RAD51AP1: variants seen among roughly 807,000 people sequenced by gnomAD.
RAD51AP1 encodes RAD51-associated protein 1.
A neutral mutation model predicts 34.3 loss-of-function variants in RAD51AP1; 14 were observed. The observed-to-expected ratio is 0.41, with a 90% confidence interval of 0.27 to 0.64. The LOEUF (loss-of-function observed/expected upper bound fraction) is 0.64, where lower values mean the gene tolerates loss of function less well. RAD51AP1 is among the 30% of genes least tolerant of loss of function. RAD51AP1 has a pLI of 0.33. For missense variants in RAD51AP1, 348 were observed against 386.9 expected (o/e 0.90, Z 0.84); for synonymous variants, 114 against 129.8 (o/e 0.88, Z 0.83).
In RAD51AP1 at chr12:4,548,845, T is replaced by G; in HGVS notation, c.556+9T>G. The stretch of plus-strand genomic sequence containing the variant: ...ACCAGACTTTGCACCTGGTAGGTTT[T>G]ATTCTACTTCGAAATTAATTCTATG... On this transcript the variant is annotated intron_variant, in intron 6 of 8. Coordinates refer to ENST00000352618, the MANE Select transcript of RAD51AP1 (RefSeq NM_006479.5). 1 of 1,605,984 alleles carries G rather than the reference T, an allele frequency of 6.2e-7. No individual in the cohort carries two copies. Among genetic ancestry groups the G allele is most frequent in the Middle Eastern group, 1.7e-4 (1 of 5,948 alleles).
At chr12:4,545,912 T>C in intron 3 of RAD51AP1, 1 of 1,508,020 alleles carries the variant, frequency 6.6e-7, no homozygotes, top group Non-Finnish European at 9.1e-7. Flanking sequence ...TTTAATTTAA[T>C]GTAAGAGCTA....
At position 4,559,007 on chromosome 12, in the gene RAD51AP1, G is replaced by A; in HGVS notation, c.*14G>A. On this transcript the variant is annotated 3_prime_UTR_variant, in exon 9 of 9. Transcript: ENST00000352618. Reference sequence around the variant, plus strand: ...ACTAGCACCTGAGTGTGGTACAGGAGGAATGTTTGGTTGGGAGAATCACAG... The same window carrying A: ...ACTAGCACCTGAGTGTGGTACAGGAAGAATGTTTGGTTGGGAGAATCACAG... 6.2e-7 allele frequency: 1 copy of A among 1,612,506 alleles called. No homozygotes were observed. Among genetic ancestry groups the A allele is most frequent in the Non-Finnish European group, 8.5e-7 (1 of 1,179,240 alleles).
At chr12:4,541,614 A>C (rs1012764406) in intron 1 of RAD51AP1, among the ~76,000 whole-genome samples, 2 of 152,184 alleles carry the variant, frequency 1.3e-5, no homozygotes, top group African/African-American at 4.8e-5. Context: ...CAGGTATATC[A>C]GGTATAGTTG....
In RAD51AP1 at chr12:4,549,281, T is replaced by C. The variant is rs1057427605; in HGVS notation, c.556+445T>C. On this transcript the variant is annotated intron_variant, in intron 6 of 8. Transcript: ENST00000352618. ...GAATTATTCTGAGGCAGAAGTGATA[T>C]GAAATCTATATTTTATTATGATGGT... Among the ~76,000 whole-genome samples the C allele has an allele frequency of 7.9e-5, 12 of 152,334 alleles. No individual in the cohort carries two copies. In the East Asian group the frequency reaches 2.1e-3, roughly 27 times the overall value.
chr12:4,549,194 A>G (rs1462936679), intron 6 of RAD51AP1, among the ~76,000 whole-genome samples: 1 of 152,178 alleles, frequency 6.6e-6, no homozygotes, highest in African/African-American at 2.4e-5. Flanking sequence ...CTAATCAGGG[A>G]GGGTCTCAGA....
chr12:4,547,490 CTT>C (rs1182780782), intron 4 of RAD51AP1, among the ~76,000 whole-genome samples: 5 of 152,178 alleles, frequency 3.3e-5, no homozygotes, highest in Non-Finnish European at 7.4e-5. Context: ...TCATCTCTCT[CTT>C]TTAAGACATT....
chr12:4,545,844 G>T (rs772833474), intron 3 of RAD51AP1: 3 of 1,605,434 alleles, frequency 1.9e-6, no homozygotes, highest in Non-Finnish European at 2.6e-6. Context: ...TAAGTGCTTG[G>T]TAAAATATTT....
At chr12:4,546,730 C>T (rs1944509173) in intron 4 of RAD51AP1, among the ~76,000 whole-genome samples, 1 of 152,136 alleles carries the variant, frequency 6.6e-6, no homozygotes, top group African/African-American at 2.4e-5. Flanking sequence ...TCTGTACAGT[C>T]CTAACAATCC....
In RAD51AP1 at chr12:4,558,918, C is replaced by T; in HGVS notation, c.933C>T (p.Pro311=). The change falls in exon 9 of 9, where the codon CCC becomes CCT. Residue 311 remains proline (P), a synonymous_variant. Transcript: ENST00000352618. ...SPLVVVSVKS[P]NQSLRLGLSR... ...TGGTGGTAGTGTCTGTGAAGTCTCC[C>T]AATCAGAGTCTCCGCCTTGGCTTGT... The T allele has an allele frequency of 1.9e-6, 3 of 1,614,080 alleles. No individual in the cohort carries two copies. In the South Asian group the frequency reaches 3.3e-5, roughly 18 times the overall value.
At chr12:4,552,521 TTACCA>T (rs2093010974) in intron 6 of RAD51AP1, among the ~76,000 whole-genome samples, 1 of 152,226 alleles carries the variant, frequency 6.6e-6, no homozygotes, top group Non-Finnish European at 1.5e-5. Context: ...AGGCTCACTA[TTACCA>T]TAAATGTCAC....
At chr12:4,551,574 C>G (rs1483395611) in intron 6 of RAD51AP1, among the ~76,000 whole-genome samples, 2 of 151,396 alleles carry the variant, frequency 1.3e-5, no homozygotes, top group African/African-American at 4.9e-5. Context: ...TTAGGACATT[C>G]TACAGGACAA....
intron 2 of RAD51AP1, among the ~76,000 whole-genome samples, chr12:4,542,528 T>C (rs968710729): frequency 1.3e-5 from 2 of 152,152 alleles, no homozygotes; most frequent in African/African-American, 2.4e-5. Flanking sequence ...CAGCCTTAAC[T>C]GTATCTACCA....
intron 6 of RAD51AP1, among the ~76,000 whole-genome samples, chr12:4,551,025 C>T (rs1944542424): frequency 6.6e-6 from 1 of 152,100 alleles, no homozygotes; most frequent in Admixed American, 6.5e-5. Flanking sequence ...GCTGGCATCA[C>T]CTGAACCACC....
chr12:4,541,971 A>G, intron 2 of RAD51AP1, 38 bp downstream of exon 2: 1 of 1,370,946 alleles, frequency 7.3e-7, no homozygotes, highest in African/African-American at 1.5e-5. Context: ...AAAGATTTGG[A>G]AACTCATTTC....
At chr12:4,546,521 C>T (rs1944507604) in intron 4 of RAD51AP1, 103 bp downstream of exon 4, 1 of 736,582 alleles carries the variant, frequency 1.4e-6, no homozygotes, top group Non-Finnish European at 2.3e-6. Flanking sequence ...AATGTGAATA[C>T]TTTGCACTAT....
chr12:4,545,688 A>G, intron 3 of RAD51AP1: 2 of 1,331,248 alleles, frequency 1.5e-6, no homozygotes, highest in East Asian at 4.6e-5. Flanking sequence ...ACTCCATAGC[A>G]CTTTTGAGCA....
At chr12:4,557,694 A>G (rs1045443194) in intron 8 of RAD51AP1, among the ~76,000 whole-genome samples, 3 of 152,198 alleles carry the variant, frequency 2.0e-5, no homozygotes, top group Non-Finnish European at 2.9e-5. Flanking sequence ...ATGGATAAAG[A>G]GTTAATGTCA....
At chr12:4,558,624 A>G (rs1052583185) in intron 8 of RAD51AP1, among the ~76,000 whole-genome samples, 2 of 152,020 alleles carry the variant, frequency 1.3e-5, no homozygotes, top group East Asian at 1.9e-4. Context: ...TTCAGCTTTC[A>G]TGGTGAGGTT....
rs781010303 is a variant in RAD51AP1 at position 4,546,346 on chromosome 12, G to A, written c.247G>A (p.Glu83Lys). ...TGACAAGCTCTACCAGAGAGACTTA[G>A]AAGTTGCACTAGCTTTATCAGTGAA... Reference protein sequence around the residue: ...LDDKLYQRDLEVALALSVKEL... With the variant: ...LDDKLYQRDLKVALALSVKEL... Residue 83 changes from glutamate to lysine, a missense_variant, in exon 4 of 9, where the codon GAA becomes AAA. Physicochemically the swap from Glu to Lys is moderately conservative, Grantham distance 56 (BLOSUM62 1). Coordinates refer to ENST00000352618, the MANE Select transcript of RAD51AP1 (RefSeq NM_006479.5). 6.2e-7 allele frequency: 1 copy of A among 1,612,830 alleles called. No homozygotes were observed. The highest frequency in any genetic ancestry group is 8.5e-7 in the Non-Finnish European group (1 of 1,179,574).
Sources: gnomAD v4.1 joint callset for allele counts (sites outside exome capture counted in the v4.1 genomes callset) on GRCh38, gnomAD v4.1.1 for gene constraint, MANE v1.5 for transcripts, NCBI Gene and HGNC (gene_info 2026-07-23, HGNC 2026-07-21) for gene names.